POLI: variants seen among roughly 807,000 people sequenced by gnomAD.
The protein encoded by POLI is RAD30 homolog B.
A neutral mutation model predicts 51.6 loss-of-function variants in POLI; 58 were observed. The observed-to-expected ratio is 1.12, with a 90% confidence interval of 0.91 to 1.40. The LOEUF (loss-of-function observed/expected upper bound fraction) is 1.40. Ranked by LOEUF, POLI falls within the 40% of genes most tolerant of loss-of-function variation. POLI has a pLI of 0.00. For missense variants in POLI, 921 were observed against 871.3 expected (o/e 1.06, Z -0.72); for synonymous variants, 322 against 299.7 (o/e 1.07, Z -0.77).
intron 7 of POLI, 35 bp from the exon 8 acceptor site, chr18:54,287,246 C>G (rs1380224602): frequency 3.9e-5 from 57 of 1,449,266 alleles, no homozygotes; most frequent in Non-Finnish European, 5.2e-5. Flanking sequence ...TAATACTTTT[C>G]TAATTCCTTA....
intron 3 of POLI, chr18:54,275,164 A>C (rs540337148): frequency 1.3e-5 from 2 of 152,346 alleles, no homozygotes; most frequent in South Asian, 4.1e-4. Flanking sequence ...TATCAAATAG[A>C]AATAAAATCA....
intron 2 of POLI, among the ~76,000 whole-genome samples, chr18:54,273,385 CG>C (rs1489737687): frequency 4.6e-5 from 6 of 129,354 alleles, no homozygotes; most frequent in Non-Finnish European, 7.9e-5. Context: ...TATTTTCATC[CG>C]TTTTTTTTTT....
At chr18:54,309,732 C>T (rs1047673440) in intron 3 of POLI, among the ~76,000 whole-genome samples, 1 of 152,162 alleles carries the variant, frequency 6.6e-6, no homozygotes, top group Non-Finnish European at 1.5e-5. Flanking sequence ...GCGGTGGGCT[C>T]CACCCAGTTT....
chr18:54,280,310 A>T (rs1315521221), intron 4 of POLI, among the ~76,000 whole-genome samples: 1 of 152,314 alleles, frequency 6.6e-6, no homozygotes, highest in East Asian at 1.9e-4. Flanking sequence ...CAGAGATCAC[A>T]TGGTGAGAGA....
rs2088240147 is a variant in POLI at position 54,294,957 on chromosome 18, T to C, written c.*490T>C. On this transcript the variant is annotated 3_prime_UTR_variant, in exon 10 of 10. Transcript: ENST00000579534. Reference sequence around the variant, plus strand: ...ACTACATTACATTTAGTATGTTGACTTTTAAAATACCAAAGCAATTTATAT... The same window carrying C: ...ACTACATTACATTTAGTATGTTGACCTTTAAAATACCAAAGCAATTTATAT... The C allele has an allele frequency of 1.0e-6, 1 of 983,262 alleles. No homozygotes were observed. The highest frequency in any genetic ancestry group is 6.2e-5 in the Admixed American group (1 of 16,256). 60.9% of individuals were successfully genotyped at this position (983,262 alleles called of 1,614,324 possible).
At position 54,297,859 on chromosome 18, in the gene POLI, A is replaced by G; in HGVS notation, c.*3392A>G. The G allele has an allele frequency of 4.1e-6, 4 of 980,312 alleles. No individual in the cohort carries two copies. The highest frequency in any genetic ancestry group is 4.8e-6 in the Non-Finnish European group (4 of 825,868). 60.7% of individuals were successfully genotyped at this position (980,312 alleles called of 1,614,324 possible). A position where few individuals can be genotyped will look rare whatever the true frequency, so the allele number is the denominator to read the frequency against. The stretch of plus-strand genomic sequence containing the variant: ...AGTCAATGTTTATTTTTTTGATGGG[A>G]CATGGTGGGGGCTTACCTTTTTTCT... On this transcript the variant is annotated 3_prime_UTR_variant, in exon 10 of 10. Transcript: ENST00000579534.
rs2088392814 is a variant in POLI at position 54,297,493 on chromosome 18, A to G, written c.*3026A>G. 3.1e-6 allele frequency: 3 copies of G among 981,934 alleles called. No individual in the cohort carries two copies. In the South Asian group the frequency reaches 1.4e-4, roughly 46 times the overall value. The allele number at this position is 981,934 out of a possible 1,614,324, so 60.8% of individuals were successfully genotyped here. A position where few individuals can be genotyped will look rare whatever the true frequency, so the allele number is the denominator to read the frequency against. On this transcript the variant is annotated 3_prime_UTR_variant, in exon 10 of 10. Coordinates refer to ENST00000579534, the MANE Select transcript of POLI (RefSeq NM_007195.3). Reference sequence around the variant, plus strand: ...TAGTGTTTTGTACTAGGAGAACTCTAAAAAGTATCTATTCCACTGTAGTGC... The same window carrying G: ...TAGTGTTTTGTACTAGGAGAACTCTGAAAAGTATCTATTCCACTGTAGTGC...
At chr18:54,277,964 T>C in intron 4 of POLI, 109 bp downstream of exon 4, 1 of 795,294 alleles carries the variant, frequency 1.3e-6, no homozygotes, top group South Asian at 2.0e-5. Context: ...TTGTTGGAGG[T>C]ATAGTTATAT....
chr18:54,307,205 C>G (rs2088600603), intron 3 of POLI, among the ~76,000 whole-genome samples: 1 of 152,146 alleles, frequency 6.6e-6, no homozygotes, highest in Non-Finnish European at 1.5e-5. Context: ...TAGATCTTTC[C>G]TGCTTTCTCT....
At position 54,293,672 on chromosome 18, in the gene POLI, A is replaced by T; in HGVS notation, c.1428A>T (p.Glu476Asp). The T allele has an allele frequency of 6.3e-7, 1 of 1,580,122 alleles. No individual in the cohort carries two copies. Among genetic ancestry groups the T allele is most frequent in the Non-Finnish European group, 8.6e-7 (1 of 1,166,416 alleles). The change falls in exon 10 of 10, where the codon GAA (glutamate) becomes GAT (aspartate). Residue 476 changes from glutamate to aspartate, a missense_variant. By Grantham distance (45) the Glu-to-Asp change is conservative. Coordinates refer to ENST00000579534, the MANE Select transcript of POLI (RefSeq NM_007195.3). The part of the protein sequence containing the change: ...HSFKMKDTHM[E>D]DFPKDKETNR... ...AGAAAATGAAAGACACTCATATGGAAGATTTTCCCAAAGACAAAGAAACAA... is the reference window on the plus strand; with the variant it reads ...AGAAAATGAAAGACACTCATATGGATGATTTTCCCAAAGACAAAGAAACAA...
At chr18:54,310,743 C>CT (rs573894347) in intron 3 of POLI, among the ~76,000 whole-genome samples, 133 of 152,080 alleles carry the variant, frequency 8.7e-4, no homozygotes, top group African/African-American at 2.9e-3. Flanking sequence ...AAACTATAAG[C>CT]TTTTTTTCAA....
chr18:54,291,682 A>G (rs2088016902), intron 8 of POLI, 151 bp from the exon 9 acceptor site: 2 of 463,786 alleles, frequency 4.3e-6, no homozygotes, highest in African/African-American at 2.0e-5. Context: ...ATTTTTAACC[A>G]TTTAGTATTA....
At chr18:54,276,651 A>G (rs1224625077) in intron 3 of POLI, among the ~76,000 whole-genome samples, 2 of 152,286 alleles carry the variant, frequency 1.3e-5, no homozygotes, top group East Asian at 1.9e-4. Context: ...GATTAGACAT[A>G]TTGTCAGTCT....
chr18:54,275,337 AAG>A (rs1264858069), intron 3 of POLI, among the ~76,000 whole-genome samples: 3 of 146,262 alleles, frequency 2.1e-5, no homozygotes, highest in Non-Finnish European at 3.0e-5. Flanking sequence ...CTAAAAAAGA[AAG>A]AGAACCACAA....
At chr18:54,271,247 AAAC>A in intron 1 of POLI, 110 bp from the exon 2 acceptor site, 1 of 872,464 alleles carries the variant, frequency 1.1e-6, no homozygotes, top group African/African-American at 1.8e-5. Context: ...ATCCAGGAGA[AAAC>A]ACGTCACTCT....
At position 54,277,688 on chromosome 18, in the gene POLI, A is replaced by G. The variant is rs1340450788; in HGVS notation, c.407-15A>G. 11 of 1,537,918 alleles carry G rather than the reference A, an allele frequency of 7.2e-6. No homozygotes were observed. The highest frequency in any genetic ancestry group is 2.3e-5 in the South Asian group (2 of 86,358). On this transcript the variant is annotated splice_polypyrimidine_tract_variant and intron_variant, in intron 3 of 9. Transcript: ENST00000579534. The stretch of plus-strand genomic sequence containing the variant: ...ACTTCATTTACATTTGTGCTCCAAT[A>G]TTATTTCAATTTAGAATTACTGGAA...
At position 54,294,152 on chromosome 18, in the gene POLI, A is replaced by G; in HGVS notation, c.1908A>G (p.Gln636=). The part of the protein sequence containing the change: ...DNRLKDERIS[Q]GPKEPQGFHF... ...GATTAAAAGATGAACGAATAAGTCA[A>G]GGACCTAAAGAACCTCAAGGATTCC... Residue 636 remains glutamine (Q), a synonymous_variant, in exon 10 of 10, where the codon CAA becomes CAG. Transcript: ENST00000579534. 3 of 1,611,582 alleles carry G rather than the reference A, an allele frequency of 1.9e-6. No homozygotes were observed. The highest frequency in any genetic ancestry group is 1.1e-5 in the South Asian group (1 of 91,008).
At chr18:54,269,938 C>T (rs1414155608) in intron 1 of POLI, 5 of 1,186,654 alleles carry the variant, frequency 4.2e-6, no homozygotes, top group Non-Finnish European at 5.2e-6. Flanking sequence ...CGAGGTGGGG[C>T]GGGAATCCCT....
chr18:54,300,648 A>G (rs1056950649), downstream of POLI, among the ~76,000 whole-genome samples: 2 of 152,106 alleles, frequency 1.3e-5, no homozygotes, highest in African/African-American at 4.8e-5. Context: ...TGATCTAAAA[A>G]CCTCAATTAA....
Sources: gnomAD v4.1 joint callset for allele counts (sites outside exome capture counted in the v4.1 genomes callset) on GRCh38, gnomAD v4.1.1 for gene constraint, MANE v1.5 for transcripts, NCBI Gene and HGNC (gene_info 2026-07-23, HGNC 2026-07-21) for gene names.